The following PCDH11X variants were observed in gnomAD, a reference collection of about 807,000 sequenced individuals.
PCDH11X encodes protocadherin-11 X-linked.
Under a neutral mutation model 53.3 loss-of-function variants are expected in PCDH11X, and 18 were observed. The ratio of observed to expected loss-of-function variants is 0.34; its 90% CI spans 0.23 to 0.50. The LOEUF is 0.50. PCDH11X is among the 20% of genes least tolerant of loss of function. The pLI is 0.98. For missense variants in PCDH11X, 570 were observed against 1,032.4 expected, an observed-to-expected ratio of 0.55 and a Z score of 6.14; for synonymous variants, 279 against 393.3, an observed-to-expected ratio of 0.71 and a Z score of 3.44.
chrX:92,515,516 G>T, intron 10 of PCDH11X: 1 of 291,254 alleles, frequency 3.4e-6, no homozygotes, highest in Non-Finnish European at 5.0e-6. Context: ...AGCCGCCGCC[G>T]CCGCGGGCTC....
At position 92,200,019 on chromosome X, in the gene PCDH11X, G is replaced by T. The variant is rs184756620; in HGVS notation, c.3034-1356G>T. Among the ~76,000 whole-genome samples the T allele has an allele frequency of 1.6e-3, 177 of 110,132 alleles. 2 individuals carry two copies. Among genetic ancestry groups the T allele is most frequent in the Admixed American group, 0.011 (117 of 10,265 alleles). On this transcript the variant is annotated intron_variant, in intron 6 of 10. Transcript: ENST00000682573. ...GTGAAATGCAACCCAAATAAACTTGGTTTTTTAAAAAAAAAAGTTAAATGT... is the reference window on the plus strand; with the variant it reads ...GTGAAATGCAACCCAAATAAACTTGTTTTTTTAAAAAAAAAAGTTAAATGT...
intron 7 of PCDH11X, among the ~76,000 whole-genome samples, chrX:92,254,857 T>G (rs2067534797): frequency 1.8e-5 from 2 of 108,729 alleles, no homozygotes; most frequent in South Asian, 8.5e-4. Flanking sequence ...GACCTTTCTC[T>G]CTGGCTGCCC....
intron 6 of PCDH11X, among the ~76,000 whole-genome samples, chrX:92,014,265 C>T (rs1375899546): frequency 8.9e-6 from 1 of 111,779 alleles, no homozygotes; most frequent in Non-Finnish European, 1.9e-5. Flanking sequence ...ATTTATGCAG[C>T]CAACAGACAC....
chrX:92,142,515 C>T (rs1256232508), intron 6 of PCDH11X, among the ~76,000 whole-genome samples: 4 of 110,827 alleles, frequency 3.6e-5, no homozygotes, highest in Middle Eastern at 4.3e-3. Flanking sequence ...CCACTGTGCC[C>T]GGCCCAAGTG....
intron 8 of PCDH11X, among the ~76,000 whole-genome samples, chrX:92,314,073 A>T (rs1245502778): frequency 8.9e-6 from 1 of 111,795 alleles, no homozygotes; most frequent in East Asian, 2.8e-4. Flanking sequence ...CCTATTGTAA[A>T]TTTTTTACTT....
At chrX:91,979,317 A>G (rs950061404) in intron 6 of PCDH11X, among the ~76,000 whole-genome samples, 1 of 110,657 alleles carries the variant, frequency 9.0e-6, no homozygotes, top group Non-Finnish European at 1.9e-5. Flanking sequence ...TAAGAATATT[A>G]AGACAACTTA....
chrX:91,941,493 G>T (rs1227997756), intron 6 of PCDH11X, among the ~76,000 whole-genome samples: 1 of 109,094 alleles, frequency 9.2e-6, no homozygotes, highest in Non-Finnish European at 1.9e-5. Flanking sequence ...TTAAAGGCAT[G>T]CATTCATCAA....
At chrX:92,419,669 C>CTTTTTTT (rs757189751) in intron 9 of PCDH11X, among the ~76,000 whole-genome samples, 1 of 54,190 alleles carries the variant, frequency 1.8e-5, no homozygotes, top group African/African-American at 7.7e-5. Flanking sequence ...TCCCTCCACC[C>CTTTTTTT]TTTTTTTTTT....
chrX:91,922,495 G>T (rs1387704637), intron 6 of PCDH11X, among the ~76,000 whole-genome samples: 1 of 111,830 alleles, frequency 8.9e-6, no homozygotes, highest in Non-Finnish European at 1.9e-5. Context: ...GGGCCACACA[G>T]CAGGAGGTCA....
chrX:92,511,940 T>G (rs1354592916), intron 10 of PCDH11X, among the ~76,000 whole-genome samples: 5 of 106,363 alleles, frequency 4.7e-5, no homozygotes, highest in African/African-American at 1.4e-4. Context: ...ATATGGCCTT[T>G]ATCCGTGGCA....
At chrX:91,914,227 C>G (rs1465188615) in intron 6 of PCDH11X, among the ~76,000 whole-genome samples, 1 of 110,556 alleles carries the variant, frequency 9.0e-6, no homozygotes, top group East Asian at 2.9e-4. Context: ...AAGGAATCAC[C>G]CTCTAGGACA....
chrX:91,978,785 A>G (rs2062082247), intron 6 of PCDH11X, among the ~76,000 whole-genome samples: 1 of 112,563 alleles, frequency 8.9e-6, no homozygotes, highest in African/African-American at 3.2e-5. Context: ...GGGCTCTGTG[A>G]TTAATACTTC....
At chrX:91,848,876 T>G (rs1321960399) in intron 5 of PCDH11X, among the ~76,000 whole-genome samples, 1 of 111,349 alleles carries the variant, frequency 9.0e-6, no homozygotes, top group African/African-American at 3.3e-5. Context: ...GATGAAGACT[T>G]CTACTTTACA....
Position 92,341,452 on chromosome X carries a change from T to G in PCDH11X, c.3145-46283T>G, listed in dbSNP as rs76218248. Among the ~76,000 whole-genome samples the G allele has an allele frequency of 2.9e-3, 324 of 111,856 alleles. 6 individuals carry two copies. In the East Asian group the frequency reaches 0.054, roughly 19 times the overall value. On this transcript the variant is annotated intron_variant, in intron 8 of 10. Transcript: ENST00000682573. The stretch of plus-strand genomic sequence containing the variant: ...AAGAAATACCAGAGACTGGGTAATT[T>G]ATCAAGAAAGGAGGTTTAATCGGCT...
chrX:92,585,371 T>C (rs1204514696), intron 10 of PCDH11X, among the ~76,000 whole-genome samples: 1 of 100,673 alleles, frequency 9.9e-6, no homozygotes, highest in Non-Finnish European at 1.9e-5. Flanking sequence ...TGCTTTCTTT[T>C]TCTTTTTTTT....
chrX:92,404,333 A>G (rs2071461977), intron 9 of PCDH11X, among the ~76,000 whole-genome samples: 1 of 107,786 alleles, frequency 9.3e-6, no homozygotes, highest in Non-Finnish European at 1.9e-5. Flanking sequence ...ATGTAAGGAT[A>G]TTTGGCAGCT....
At chrX:91,953,927 C>T (rs1473322302) in intron 6 of PCDH11X, among the ~76,000 whole-genome samples, 2 of 110,057 alleles carry the variant, frequency 1.8e-5, no homozygotes, top group Non-Finnish European at 3.8e-5. Context: ...GTATTATGAA[C>T]ATTAGTTCAC....
At chrX:92,430,674 G>T (rs1291970149) in intron 9 of PCDH11X, among the ~76,000 whole-genome samples, 2 of 100,726 alleles carry the variant, frequency 2.0e-5, no homozygotes, top group African/African-American at 7.1e-5. Context: ...TGTTGTGGAA[G>T]ATTGGTTTAA....
At chrX:92,267,000 C>T (rs1214300444) in intron 8 of PCDH11X, among the ~76,000 whole-genome samples, 1 of 111,411 alleles carries the variant, frequency 9.0e-6, no homozygotes, top group Non-Finnish European at 1.9e-5. Flanking sequence ...CCACCTTTTC[C>T]TCCCAAAGTG....
Sources: gnomAD v4.1 joint callset for allele counts (sites outside exome capture counted in the v4.1 genomes callset) on GRCh38, gnomAD v4.1.1 for gene constraint, MANE v1.5 for transcripts, NCBI Gene and HGNC (gene_info 2026-07-23, HGNC 2026-07-21) for gene names.